Variants in CENPA observed in about 807,000 individuals in gnomAD.
The protein encoded by CENPA is histone H3-like centromeric protein A.
In CENPA, 7 loss-of-function variants were observed where a neutral mutation model predicts 17.2. That is an observed-to-expected ratio of 0.41 (90% confidence interval 0.23 to 0.76). The LOEUF is 0.76. Ranked by LOEUF, CENPA falls within the 30% of genes least tolerant of loss-of-function variation. The pLI is 0.34. For missense variants in CENPA, 149 were observed against 193.1 expected, an observed-to-expected ratio of 0.77 and a Z score of 1.35; for synonymous variants, 82 against 77.4, an observed-to-expected ratio of 1.06 and a Z score of -0.31.
chr2:26,792,266 C>A (rs762692797), intron 2 of CENPA, 26 bp downstream of exon 2: 2 of 1,560,246 alleles, frequency 1.3e-6, no homozygotes, highest in African/African-American at 2.8e-5. Flanking sequence ...TTCCCACCAA[C>A]CCCTATGCCA....
chr2:26,794,261 G>A lies in CENPA; in HGVS notation c.*497G>A, dbSNP rs1664674352. ...GAAGGCTGGGCATTTCCATCATATAGACCTCTGCCCTTCAGAGTAGCCTCA... is the reference window on the plus strand; with the variant it reads ...GAAGGCTGGGCATTTCCATCATATAAACCTCTGCCCTTCAGAGTAGCCTCA... On this transcript the variant is annotated 3_prime_UTR_variant, in exon 5 of 5. Transcript: ENST00000335756. 6.6e-6 allele frequency: 1 copy of A among 152,246 alleles called. No homozygotes were observed. The highest frequency in any genetic ancestry group is 6.5e-5 in the Admixed American group (1 of 15,286). The allele number at this position is 152,246 out of a possible 1,614,324, so 9.4% of individuals were successfully genotyped here. A position where few individuals can be genotyped will look rare whatever the true frequency, so the allele number is the denominator to read the frequency against.
chr2:26,793,010 G>A, intron 3 of CENPA, 135 bp from the exon 4 acceptor site: 2 of 1,346,560 alleles, frequency 1.5e-6, no homozygotes, highest in Admixed American at 2.0e-5. Flanking sequence ...GAATTCCCTG[G>A]CAAAGTTCAG....
chr2:26,790,229 T>C (rs745360672), intron 1 of CENPA, among the ~76,000 whole-genome samples: 3 of 152,172 alleles, frequency 2.0e-5, no homozygotes, highest in Non-Finnish European at 2.9e-5. Flanking sequence ...TTTCATGGTA[T>C]TGGCCTTCTT....
At chr2:26,793,473 G>GT in intron 4 of CENPA, 147 bp downstream of exon 4, 4 of 575,416 alleles carry the variant, frequency 7.0e-6, no homozygotes, top group Non-Finnish European at 1.2e-5. Context: ...TGTGGTTTGT[G>GT]CCCTTTTGTG....
chr2:26,788,884 A>G (rs1253360876), intron 1 of CENPA, among the ~76,000 whole-genome samples: 1 of 152,192 alleles, frequency 6.6e-6, no homozygotes, highest in Non-Finnish European at 1.5e-5. Flanking sequence ...CATGTTGGTC[A>G]GGCTGGTCTC....
intron 1 of CENPA, among the ~76,000 whole-genome samples, chr2:26,790,591 G>A (rs538891496): frequency 3.1e-4 from 47 of 152,382 alleles, no homozygotes; most frequent in African/African-American, 1.1e-3. Flanking sequence ...CTCCCAAAGT[G>A]CTGGGATTAC....
At chr2:26,792,363 G>A in intron 2 of CENPA, 123 bp downstream of exon 2, 2 of 737,760 alleles carry the variant, frequency 2.7e-6, no homozygotes. Flanking sequence ...TAACCTGGTA[G>A]GGGATTCTTT....
chr2:26,792,703 C>A, intron 2 of CENPA, 53 bp from the exon 3 acceptor site: 2 of 1,419,904 alleles, frequency 1.4e-6, no homozygotes, highest in Non-Finnish European at 2.0e-6. Context: ...TCCCTTGAAT[C>A]TCTCTTCTGT....
chr2:26,786,306 C>G lies in CENPA; in HGVS notation c.100+10C>G. ...CGGGGCCCCTCCTTAGGTAACCGGC[C>G]GCGGCCCCATCTCGAAGAGGAGAAA... On this transcript the variant is annotated intron_variant, in intron 1 of 4. Transcript: ENST00000335756. 7.6e-7 allele frequency: 1 copy of G among 1,316,040 alleles called. No individual in the cohort carries two copies. The highest frequency in any genetic ancestry group is 9.7e-7 in the Non-Finnish European group (1 of 1,033,936). 81.5% of individuals were successfully genotyped at this position (1,316,040 alleles called of 1,614,324 possible).
intron 1 of CENPA, among the ~76,000 whole-genome samples, chr2:26,787,534 GT>G (rs371523362): frequency 0.037 from 5,465 of 148,138 alleles, 314 homozygotes; most frequent in African/African-American, 0.12. Context: ...GTTTTTTGTT[GT>G]TTTTTTTTTG....
chr2:26,793,322 AG>A lies in CENPA; in HGVS notation c.*47+1del, dbSNP rs769706177. The stretch of plus-strand genomic sequence containing the variant: ...TTCTGTCAGTCTTTCCTGCTCAGCC[AG>A]GGGGTAAGCTCATCCTCTTTCACAG... On this transcript the variant is annotated 3_prime_UTR_variant, in exon 4 of 5. Coordinates refer to ENST00000335756, the MANE Select transcript of CENPA (RefSeq NM_001809.4). 1 of 1,609,682 alleles carries A rather than the reference AG, an allele frequency of 6.2e-7. No homozygotes were observed. The highest frequency in any genetic ancestry group is 1.3e-5 in the African/African-American group (1 of 74,908).
At chr2:26,792,534 A>G in intron 2 of CENPA, 1 of 714,724 alleles carries the variant, frequency 1.4e-6, no homozygotes. Context: ...ATTGCCTCTC[A>G]TCACCCAATT....
In CENPA at chr2:26,794,583, A is replaced by C. The variant is rs1243968928; in HGVS notation, c.*819A>C. ...GAGATAATAAAAATCAAAATATTTA[A>C]TGAAAATGGACTTACTGTTACAGCA... On this transcript the variant is annotated 3_prime_UTR_variant, in exon 5 of 5. Coordinates refer to ENST00000335756, the MANE Select transcript of CENPA (RefSeq NM_001809.4). 6.6e-6 allele frequency: 1 copy of C among 152,156 alleles called. No homozygotes were observed. The highest frequency in any genetic ancestry group is 6.5e-5 in the Admixed American group (1 of 15,268). 9.4% of individuals were successfully genotyped at this position (152,156 alleles called of 1,614,324 possible). A position where few individuals can be genotyped will look rare whatever the true frequency, so the allele number is the denominator to read the frequency against.
At chr2:26,789,952 T>G (rs1664585162) in intron 1 of CENPA, among the ~76,000 whole-genome samples, 1 of 152,362 alleles carries the variant, frequency 6.6e-6, no homozygotes, top group East Asian at 1.9e-4. Flanking sequence ...AACTCTTCCC[T>G]GGCTTCTTAT....
chr2:26,792,022 G>A (rs1279555475), intron 1 of CENPA, 109 bp from the exon 2 acceptor site: 4 of 905,670 alleles, frequency 4.4e-6, no homozygotes, highest in Non-Finnish European at 5.3e-6. Flanking sequence ...TCCCTGCTCT[G>A]TGGAGGGTAG....
chr2:26,793,467 G>T, intron 4 of CENPA, 141 bp downstream of exon 4: 1 of 620,748 alleles, frequency 1.6e-6, no homozygotes, highest in Non-Finnish European at 2.6e-6. Flanking sequence ...GGACAATGTG[G>T]TTTGTGCCCT....
chr2:26,787,315 A>G (rs746512510), intron 1 of CENPA, among the ~76,000 whole-genome samples: 9 of 152,112 alleles, frequency 5.9e-5, no homozygotes, highest in Non-Finnish European at 1.0e-4. Flanking sequence ...TCCTGGGTTC[A>G]CGCCCTTCTC....
At position 26,793,845 on chromosome 2, in the gene CENPA, A is replaced by C. The variant is rs1230361962; in HGVS notation, c.*81A>C. ...CCGGGGACTCTCCAGAGCCATGACT[A>C]GATCCAATGGATTCTGCGATGCTGT... On this transcript the variant is annotated 3_prime_UTR_variant, in exon 5 of 5. Transcript: ENST00000335756. 1 of 152,574 alleles carries C rather than the reference A, an allele frequency of 6.6e-6. No individual in the cohort carries two copies. The highest frequency in any genetic ancestry group is 1.9e-4 in the East Asian group (1 of 5,208). The allele number at this position is 152,574 out of a possible 1,614,324, so 9.5% of individuals were successfully genotyped here. A position where few individuals can be genotyped will look rare whatever the true frequency, so the allele number is the denominator to read the frequency against.
chr2:26,789,060 C>T (rs967384564), intron 1 of CENPA, among the ~76,000 whole-genome samples: 8 of 152,218 alleles, frequency 5.3e-5, no homozygotes, highest in African/African-American at 1.9e-4. Context: ...CCCTCTACTT[C>T]CCTTCATAGC....
Sources: gnomAD v4.1 joint callset for allele counts (sites outside exome capture counted in the v4.1 genomes callset) on GRCh38, gnomAD v4.1.1 for gene constraint, MANE v1.5 for transcripts, NCBI Gene and HGNC (gene_info 2026-07-23, HGNC 2026-07-21) for gene names.